The following DCDC2 variants were observed in gnomAD, a reference collection of about 807,000 sequenced individuals.
The protein encoded by DCDC2 is doublecortin domain-containing protein 2.
DCDC2 carries 40 observed loss-of-function variants against 50.2 expected under a neutral mutation model. That is an observed-to-expected ratio of 0.80 (90% confidence interval 0.62 to 1.04). DCDC2 has a LOEUF of 1.04. DCDC2 is among the 50% of genes least tolerant of loss of function. The pLI, the probability that DCDC2 is intolerant of heterozygous loss-of-function variation, is 0.00. For missense variants in DCDC2, 570 were observed against 581.9 expected, an observed-to-expected ratio of 0.98 and a Z score of 0.21; for synonymous variants, 234 against 210.6, an observed-to-expected ratio of 1.11 and a Z score of -0.96.
intron 2 of DCDC2, among the ~76,000 whole-genome samples, chr6:24,341,035 A>T (rs1336146566): frequency 1.3e-5 from 2 of 152,322 alleles, no homozygotes; most frequent in Admixed American, 6.5e-5. Flanking sequence ...CATTATCTAA[A>T]AATTTCTAAA....
At chr6:24,377,914 G>C in the DCDC2 span, among the ~76,000 whole-genome samples, 2 of 152,094 alleles carry the variant, frequency 1.3e-5, no homozygotes, top group Non-Finnish European at 2.9e-5. Context: ...GCTTGAACCC[G>C]GGAGGCGGAG....
intron 7 of DCDC2, among the ~76,000 whole-genome samples, chr6:24,259,686 TTTC>T (rs761791627): frequency 3.9e-5 from 6 of 152,324 alleles, no homozygotes; most frequent in Non-Finnish European, 8.8e-5. Context: ...CTGGTTTTAT[TTTC>T]TTCTTTTTTT....
chr6:24,348,896 T>G (rs1331804011), intron 2 of DCDC2, among the ~76,000 whole-genome samples: 1 of 152,164 alleles, frequency 6.6e-6, no homozygotes, highest in African/African-American at 2.4e-5. Context: ...TTATGCCTAG[T>G]GCCTAGCACA....
At chr6:24,302,104 T>C in intron 2 of DCDC2, 60 bp from the exon 3 acceptor site, 1 of 1,465,276 alleles carries the variant, frequency 6.8e-7, no homozygotes, top group East Asian at 2.3e-5. Flanking sequence ...TTTTTTTTCC[T>C]ATGAGGAAAA....
chr6:24,316,145 T>C (rs1469089395), intron 2 of DCDC2, among the ~76,000 whole-genome samples: 1 of 152,052 alleles, frequency 6.6e-6, no homozygotes, highest in African/African-American at 2.4e-5. Flanking sequence ...CTATGAGACC[T>C]CCAGATAGAG....
At chr6:24,210,524 T>C (rs1761844184) in intron 7 of DCDC2, among the ~76,000 whole-genome samples, 1 of 152,190 alleles carries the variant, frequency 6.6e-6, no homozygotes, top group African/African-American at 2.4e-5. Context: ...TCCATTCCAT[T>C]GTCAATCTTC....
At chr6:24,251,143 T>C (rs1350145645) in intron 7 of DCDC2, among the ~76,000 whole-genome samples, 1 of 152,228 alleles carries the variant, frequency 6.6e-6, no homozygotes, top group Non-Finnish European at 1.5e-5. Flanking sequence ...AAAGTGTTAT[T>C]AATCTCCAAT....
At chr6:24,290,153 C>G in intron 5 of DCDC2, among the ~76,000 whole-genome samples, 2 of 150,650 alleles carry the variant, frequency 1.3e-5, no homozygotes. Context: ...GCCACTACGC[C>G]CGGCTAATTT....
At chr6:24,294,730 T>C (rs1763824917) in intron 4 of DCDC2, among the ~76,000 whole-genome samples, 1 of 152,078 alleles carries the variant, frequency 6.6e-6, no homozygotes, top group Admixed American at 6.5e-5. Flanking sequence ...AAGGGATGGA[T>C]AAATTCCTGG....
intron 4 of DCDC2, among the ~76,000 whole-genome samples, chr6:24,299,424 A>C (rs1488232689): frequency 2.6e-5 from 4 of 152,202 alleles, no homozygotes; most frequent in East Asian, 1.9e-4. Context: ...AAATCTCAGC[A>C]TCATGCAATA....
rs1763404786 is a variant in DCDC2, at chr6:24,278,304, G to A, written c.760-93C>T. The A allele has an allele frequency of 5.2e-6, 6 of 1,156,034 alleles. No homozygotes were observed. In the South Asian group the frequency reaches 8.5e-5, roughly 16 times the overall value. The allele number at this position is 1,156,034 out of a possible 1,614,324, so 71.6% of individuals were successfully genotyped here. On this transcript the variant is annotated intron_variant, in intron 6 of 9. Transcript: ENST00000378454. Reference sequence around the variant, plus strand: ...ATGTCATTAACTACTGGTAAGCAGGGCAGGGGCAGGGAGGTGTATTGTCCT... The same window carrying A: ...ATGTCATTAACTACTGGTAAGCAGGACAGGGGCAGGGAGGTGTATTGTCCT...
rs59837095 is a variant in DCDC2 at position 24,173,021 on chromosome 6, A to ATAATAATAATAATAATAAT, written c.*1708_*1709insATTATTATTATTATTATTA. 1 of 150,556 alleles carries ATAATAATAATAATAATAAT rather than the reference A, an allele frequency of 6.6e-6. No homozygotes were observed. The highest frequency in any genetic ancestry group is 2.4e-5 in the African/African-American group (1 of 41,110). The allele number at this position is 150,556 out of a possible 1,614,324, so 9.3% of individuals were successfully genotyped here. On this transcript the variant is annotated 3_prime_UTR_variant, in exon 10 of 10. Coordinates refer to ENST00000378454, the MANE Select transcript of DCDC2 (RefSeq NM_016356.5). ...AATAATAATAATAATAATAATAATA[A>ATAATAATAATAATAATAAT]AGATCAATTGGTCTATTTGCCTACC...
At chr6:24,338,352 A>G (rs1760094942) in intron 2 of DCDC2, among the ~76,000 whole-genome samples, 1 of 150,684 alleles carries the variant, frequency 6.6e-6, no homozygotes, top group Non-Finnish European at 1.5e-5. Flanking sequence ...CACCGCCATT[A>G]AAAAAAAACA....
At chr6:24,236,029 G>C (rs1581603108) in intron 7 of DCDC2, among the ~76,000 whole-genome samples, 1 of 152,122 alleles carries the variant, frequency 6.6e-6, no homozygotes, top group Admixed American at 6.5e-5. Flanking sequence ...AATGCCCAAA[G>C]CAATTTAGAC....
chr6:24,299,297 T>C (rs139515237), intron 4 of DCDC2, among the ~76,000 whole-genome samples: 90 of 152,144 alleles, frequency 5.9e-4, no homozygotes, highest in African/African-American at 2.1e-3. Context: ...TGGGTACAGA[T>C]GGACATAAAA....
At chr6:24,301,124 G>C (rs554076304) in intron 4 of DCDC2, among the ~76,000 whole-genome samples, 76 of 151,696 alleles carry the variant, frequency 5.0e-4, no homozygotes, top group South Asian at 1.0e-3. Context: ...GTAATCCCAG[G>C]ACTTTGGGAG....
chr6:24,236,464 G>C lies in DCDC2; in HGVS notation c.923-31362C>G, dbSNP rs545676321. On this transcript the variant is annotated intron_variant, in intron 7 of 9. Transcript: ENST00000378454. ...ATCCTAGAAGACGACCTAGGAAACAGTATTCTGGACATTGGCCTTGGCAAA... is the reference window on the plus strand; with the variant it reads ...ATCCTAGAAGACGACCTAGGAAACACTATTCTGGACATTGGCCTTGGCAAA... 1.4e-4 allele frequency among the ~76,000 whole-genome samples: 21 copies of C among 152,308 alleles called. 1 individual carries two copies. The South Asian group carries it at 3.9e-3, about 29-fold the overall frequency.
chr6:24,300,530 C>T (rs1759349980), intron 4 of DCDC2, among the ~76,000 whole-genome samples: 1 of 152,122 alleles, frequency 6.6e-6, no homozygotes, highest in African/African-American at 2.4e-5. Context: ...GAATTTTTTG[C>T]CACATGTAAA....
At chr6:24,347,999 C>T (rs549435524) in intron 2 of DCDC2, among the ~76,000 whole-genome samples, 11 of 152,230 alleles carry the variant, frequency 7.2e-5, no homozygotes, top group East Asian at 3.9e-4. Flanking sequence ...GTGGTGGGTA[C>T]GATACAGGAT....
Sources: allele counts gnomAD v4.1 joint callset (sites outside exome capture counted in the v4.1 genomes callset), GRCh38; gene constraint gnomAD v4.1.1; transcripts MANE v1.5; gene names NCBI Gene and HGNC (gene_info 2026-07-23, HGNC 2026-07-21).